CPAMD8: variants seen among roughly 807,000 people sequenced by gnomAD.
CPAMD8 encodes C3 and PZP-like alpha-2-macroglobulin domain-containing protein 8.
CPAMD8 carries 146 observed loss-of-function variants against 224.7 expected under a neutral mutation model. The ratio of observed to expected loss-of-function variants is 0.65; its 90% confidence interval spans 0.57 to 0.75. The LOEUF is 0.75. Ranked by LOEUF, CPAMD8 falls within the 30% of genes least tolerant of loss-of-function variation. The pLI is 0.00. For missense variants in CPAMD8, 2,301 were observed against 2,537.5 expected (o/e 0.91, Z 2.00); for synonymous variants, 966 against 1,044.6 (o/e 0.92, Z 1.45).
intron 21 of CPAMD8, among the ~76,000 whole-genome samples, chr19:16,945,970 C>T (rs2054062174): frequency 6.6e-6 from 1 of 151,696 alleles, no homozygotes; most frequent in Non-Finnish European, 1.5e-5. Context: ...TTTGTGTGTG[C>T]ATTTGTGTGT....
chr19:16,981,853 C>T (rs1330523519), intron 13 of CPAMD8, among the ~76,000 whole-genome samples: 5 of 152,174 alleles, frequency 3.3e-5, no homozygotes, highest in African/African-American at 1.2e-4. Flanking sequence ...TCAGTTTCCC[C>T]ACCTGTAAAA....
intron 18 of CPAMD8, among the ~76,000 whole-genome samples, chr19:16,970,092 A>T (rs78757485): frequency 1.3e-5 from 2 of 149,270 alleles, no homozygotes; most frequent in Non-Finnish European, 1.5e-5. Context: ...AAAAAAAAAA[A>T]TTAGCGGGGT....
Position 16,928,985 on chromosome 19 carries a change from T to G in CPAMD8, c.3101A>C (p.Glu1034Ala). The G allele has an allele frequency of 6.2e-7, 1 of 1,613,830 alleles. No homozygotes were observed. The highest frequency in any genetic ancestry group is 1.1e-5 in the South Asian group (1 of 91,050). ...CCAGCTGATCCAGAATGTTCTGAAT[T>G]CATCCCAGGAGAGGATCTTGGCCGT... The part of the protein sequence containing the change: ...AHTAKILSWD[E>A]FRTFWISWRG... Residue 1034 changes from glutamate (E) to alanine (A), a missense_variant, in exon 24 of 42, where the codon GAA becomes GCA. Physicochemically the swap from Glu to Ala is moderately radical, Grantham distance 107. Coordinates refer to ENST00000443236, the MANE Select transcript of CPAMD8 (RefSeq NM_015692.5).
chr19:17,004,216 G>T, intron 8 of CPAMD8, 57 bp downstream of exon 8: 1 of 1,261,924 alleles, frequency 7.9e-7, no homozygotes, highest in Non-Finnish European at 1.2e-6. Flanking sequence ...TTCTTCACCA[G>T]TTTCTAAGGT....
chr19:16,991,318 T>C (rs531271900), intron 12 of CPAMD8, among the ~76,000 whole-genome samples: 1 of 152,226 alleles, frequency 6.6e-6, no homozygotes, highest in South Asian at 2.1e-4. Context: ...GGTAGGGTAG[T>C]GGAATTTGCA....
rs2052077819 is a variant in CPAMD8 at position 16,897,705 on chromosome 19, G to A, written c.5051C>T (p.Pro1684Leu). 1.3e-6 allele frequency: 2 copies of A among 1,542,190 alleles called. No individual in the cohort carries two copies. The highest frequency in any genetic ancestry group is 8.7e-7 in the Non-Finnish European group (1 of 1,142,902). ...CGCGCACTCACCCGGGCCCCGGGCAGGGGCGCGCTCCACTTCGTTGCACGC... is the reference window on the plus strand; with the variant it reads ...CGCGCACTCACCCGGGCCCCGGGCAAGGGCGCGCTCCACTTCGTTGCACGC... ...GPACNEVERA[P>L]ARGPGWFPGE... is the part of the protein sequence containing the mutation. The change falls in exon 39 of 42, where the codon CCT becomes CTT. Residue 1684 changes from proline (P) to leucine (L), a missense_variant. Around this residue, in one of 4 missense-constraint regions of CPAMD8, gnomAD observed 1,709 missense variants for 1,753.2 expected, o/e 0.97. Coordinates refer to ENST00000443236, the MANE Select transcript of CPAMD8 (RefSeq NM_015692.5).
At chr19:17,015,476 G>A (rs2056786044) in intron 3 of CPAMD8, among the ~76,000 whole-genome samples, 1 of 152,042 alleles carries the variant, frequency 6.6e-6, no homozygotes, top group African/African-American at 2.4e-5. Flanking sequence ...GCTCTCTGAA[G>A]CCACACGGGG....
intron 1 of CPAMD8, 119 bp from the exon 2 acceptor site, chr19:17,022,300 C>A: frequency 8.6e-7 from 1 of 1,157,176 alleles, no homozygotes; most frequent in Non-Finnish European, 1.2e-6. Context: ...CCACACCTGG[C>A]TGGCATTGAT....
intron 19 of CPAMD8, chr19:16,957,599 A>T (rs1599781093): frequency 2.1e-6 from 1 of 466,602 alleles, no homozygotes; most frequent in East Asian, 3.6e-5. Flanking sequence ...CAGAGCAGAT[A>T]GAGTAACCCC....
chr19:17,009,710 C>A (rs1403442675), intron 5 of CPAMD8, among the ~76,000 whole-genome samples: 1 of 151,634 alleles, frequency 6.6e-6, no homozygotes, highest in Non-Finnish European at 1.5e-5. Context: ...GGAGGCAGAG[C>A]TTGCAGTGAG....
intron 22 of CPAMD8, among the ~76,000 whole-genome samples, chr19:16,940,007 A>G (rs1258200585): frequency 1.3e-5 from 2 of 151,456 alleles, no homozygotes; most frequent in African/African-American, 4.9e-5. Context: ...CCGCCTCCTG[A>G]GTTCAAATGA....
intron 22 of CPAMD8, among the ~76,000 whole-genome samples, chr19:16,941,288 T>C (rs1462218574): frequency 6.6e-6 from 1 of 152,126 alleles, no homozygotes; most frequent in Non-Finnish European, 1.5e-5. Context: ...AACCTAAATG[T>C]CCACCATAGG....
At chr19:16,982,630 T>C (rs182416655) in intron 13 of CPAMD8, among the ~76,000 whole-genome samples, 86 of 150,836 alleles carry the variant, frequency 5.7e-4, no homozygotes, top group Non-Finnish European at 9.0e-4. Context: ...AGTTCAGGAG[T>C]TCAAGACCAG....
At chr19:16,977,648 G>T (rs12975235) in intron 14 of CPAMD8, 108 bp from the exon 15 acceptor site, 3 of 736,646 alleles carry the variant, frequency 4.1e-6, no homozygotes, top group Admixed American at 6.2e-5. Context: ...TCCTGTCTAC[G>T]CATTGAGACA....
chr19:16,986,753 A>G (rs1373261029), intron 13 of CPAMD8, among the ~76,000 whole-genome samples: 5 of 152,106 alleles, frequency 3.3e-5, no homozygotes, highest in Admixed American at 2.6e-4. Context: ...GGCTGGGGCT[A>G]TAGCTTGAGC....
chr19:16,961,442 C>G (rs8108942), intron 18 of CPAMD8, among the ~76,000 whole-genome samples: 48,122 of 152,250 alleles, frequency 0.32, 9,253 homozygotes, highest in African/African-American at 0.54. Flanking sequence ...CGAACTGCGA[C>G]GTGGCAGCCT....
At chr19:16,912,291 A>G (rs1262316977) in intron 29 of CPAMD8, among the ~76,000 whole-genome samples, 4 of 152,226 alleles carry the variant, frequency 2.6e-5, no homozygotes, top group Non-Finnish European at 5.9e-5. Flanking sequence ...ACCAGAACTC[A>G]GAAGACCAGG....
chr19:16,982,109 T>C (rs7254667), intron 13 of CPAMD8, among the ~76,000 whole-genome samples: 8,677 of 152,068 alleles, frequency 0.057, 493 homozygotes, highest in African/African-American at 0.15. Context: ...TCAAAAAACT[T>C]TGGCCAGGCG....
Position 16,975,991 on chromosome 19 carries a change from G to T in CPAMD8, c.1908+11C>A, listed in dbSNP as rs772170472. 6.3e-7 allele frequency: 1 copy of T among 1,575,878 alleles called. No homozygotes were observed. Among genetic ancestry groups the T allele is most frequent in the Non-Finnish European group, 8.6e-7 (1 of 1,159,766 alleles). ...GGAGGTCTAGAACCCAAGCCCGAGG[G>T]GTCTGCTCACCTGGGCAGGAGTCAG... On this transcript the variant is annotated intron_variant, in intron 16 of 41. Transcript: ENST00000443236.
Sources: gnomAD v4.1 joint callset for allele counts (sites outside exome capture counted in the v4.1 genomes callset) on GRCh38, gnomAD v4.1.1 for gene constraint, gnomAD v4.1.1 regional missense constraint, MANE v1.5 for transcripts, NCBI Gene and HGNC (gene_info 2026-07-23, HGNC 2026-07-21) for gene names.